The following MAP4 variants were observed in gnomAD, a reference collection of about 807,000 sequenced individuals.
The protein encoded by MAP4 is microtubule associated protein 4.
In MAP4, 76 loss-of-function variants were observed where a neutral mutation model predicts 170.2. That is an observed-to-expected ratio of 0.45 (90% CI 0.37 to 0.54). The LOEUF (loss-of-function observed/expected upper bound fraction) is 0.54. Ranked by LOEUF, MAP4 falls within the 20% of genes least tolerant of loss-of-function variation. MAP4 has a pLI of 0.00. For synonymous variants in MAP4, 909 were observed against 994.5 expected, an observed-to-expected ratio of 0.91 and a Z score of 1.62; for missense variants, 2,506 against 2,748.0, an observed-to-expected ratio of 0.91 and a Z score of 1.97.
intron 10 of MAP4, among the ~76,000 whole-genome samples, chr3:47,878,476 GT>G (rs975489369): frequency 9.2e-5 from 14 of 152,026 alleles, no homozygotes; most frequent in Non-Finnish European, 1.8e-4. Flanking sequence ...GAGATACAAA[GT>G]TTTTTGAAAC....
chr3:47,865,923 A>C (rs2078755538), intron 17 of MAP4, among the ~76,000 whole-genome samples: 1 of 152,186 alleles, frequency 6.6e-6, no homozygotes. Context: ...CTCTCCCTAG[A>C]CCAGAACCTC....
Position 47,910,630 on chromosome 3 carries a change from A to G in MAP4, c.3791T>C (p.Phe1264Ser). 4 of 1,536,114 alleles carry G rather than the reference A, an allele frequency of 2.6e-6. No homozygotes were observed. Among genetic ancestry groups the G allele is most frequent in the Non-Finnish European group, 3.5e-6 (4 of 1,146,908 alleles). Reference sequence around the variant, plus strand: ...GAACGAAGAATCATGCATTTTGGGGAAAGTAAATCCTATTTCCTTGCTTTT... The same window carrying G: ...GAACGAAGAATCATGCATTTTGGGGGAAGTAAATCCTATTTCCTTGCTTTT... ...PHKSKEIGFT[F>S]PKMHDSSFSH... Residue 1264 changes from phenylalanine (F) to serine (S), a missense_variant, in exon 9 of 21, where the codon TTC (phenylalanine) becomes TCC (serine). Phe to Ser is a radical substitution (Grantham distance 155). Transcript: ENST00000683076.
intron 2 of MAP4, among the ~76,000 whole-genome samples, chr3:47,988,066 C>T (rs1395213032): frequency 2.0e-5 from 3 of 151,992 alleles, no homozygotes; most frequent in African/African-American, 7.3e-5. Flanking sequence ...TGGCGGCACA[C>T]GCCTGTAGTC....
intron 2 of MAP4, chr3:47,987,531 T>A: frequency 1.4e-6 from 1 of 735,634 alleles, no homozygotes. Context: ...AGCAAAAGCT[T>A]TATATAACAT....
intron 1 of MAP4, among the ~76,000 whole-genome samples, chr3:48,041,788 G>A (rs972135301): frequency 1.3e-5 from 2 of 152,132 alleles, no homozygotes; most frequent in African/African-American, 4.8e-5. Context: ...GAAATTCAAG[G>A]GACCCAGAAT....
chr3:47,908,970 G>A, intron 9 of MAP4, 68 bp downstream of exon 9: 2 of 1,494,126 alleles, frequency 1.3e-6, no homozygotes, highest in Admixed American at 2.1e-5. Context: ...CAAGACACAA[G>A]CTCTTTGCCT....
At chr3:48,016,079 T>G (rs1579277241) in intron 1 of MAP4, among the ~76,000 whole-genome samples, 2 of 152,206 alleles carry the variant, frequency 1.3e-5, no homozygotes, top group Non-Finnish European at 2.9e-5. Context: ...ATCATAGGAT[T>G]AGCAACAGCA....
intron 3 of MAP4, among the ~76,000 whole-genome samples, chr3:47,958,218 T>C (rs188649186): frequency 2.2e-4 from 34 of 152,274 alleles, no homozygotes; most frequent in Admixed American, 2.2e-3. Flanking sequence ...AATACTTCCA[T>C]GCCAAAAATA....
chr3:47,900,978 T>C (rs2100029670), intron 10 of MAP4, among the ~76,000 whole-genome samples: 1 of 152,194 alleles, frequency 6.6e-6, no homozygotes. Flanking sequence ...CCCAATTTCA[T>C]CTCAAAATGT....
chr3:47,866,740 T>G (rs1222860184), intron 17 of MAP4, among the ~76,000 whole-genome samples: 5 of 152,100 alleles, frequency 3.3e-5, no homozygotes, highest in African/African-American at 9.7e-5. Flanking sequence ...GGCAACAAAG[T>G]GAGACTTCAT....
intron 17 of MAP4, among the ~76,000 whole-genome samples, chr3:47,864,431 C>T (rs779856614): frequency 2.6e-5 from 4 of 152,008 alleles, no homozygotes; most frequent in Non-Finnish European, 5.9e-5. Flanking sequence ...AATCCCAGCA[C>T]TTTGGGAGGC....
intron 2 of MAP4, among the ~76,000 whole-genome samples, chr3:47,993,729 G>C (rs571186004): frequency 5.9e-5 from 9 of 152,332 alleles, no homozygotes; most frequent in Admixed American, 5.2e-4. Context: ...ACCAAGAGGC[G>C]TAAGTGCTGT....
chr3:48,013,731 T>C (rs2100106474), intron 1 of MAP4, among the ~76,000 whole-genome samples: 1 of 151,604 alleles, frequency 6.6e-6, no homozygotes, highest in Admixed American at 6.6e-5. Flanking sequence ...AAAAAGCTTT[T>C]TGGCAAAGGG....
At chr3:47,943,930 T>C (rs2100058067) in intron 3 of MAP4, among the ~76,000 whole-genome samples, 1 of 152,066 alleles carries the variant, frequency 6.6e-6, no homozygotes, top group Non-Finnish European at 1.5e-5. Context: ...ATAGTTTCAG[T>C]ATTCTACCTC....
chr3:47,973,896 A>G, intron 3 of MAP4: 1 of 985,120 alleles, frequency 1.0e-6, no homozygotes. Context: ...ATATTTTATC[A>G]ACTGCTAAGA....
At chr3:47,857,695 G>A (rs1298255562) in intron 17 of MAP4, among the ~76,000 whole-genome samples, 183 bp from the exon 18 acceptor site, 2 of 151,742 alleles carry the variant, frequency 1.3e-5, no homozygotes, top group South Asian at 2.1e-4. Context: ...GACCCACCCT[G>A]GCCCTGCTCT....
upstream of MAP4, among the ~76,000 whole-genome samples, chr3:48,017,238 G>A (rs1038584209): frequency 2.6e-5 from 4 of 152,162 alleles, no homozygotes; most frequent in Admixed American, 6.5e-5. Flanking sequence ...GAAGCAGAGC[G>A]TGACAAAATA....
chr3:47,947,994 C>T (rs1353011089), intron 3 of MAP4, among the ~76,000 whole-genome samples: 1 of 151,376 alleles, frequency 6.6e-6, no homozygotes, highest in Non-Finnish European at 1.5e-5. Context: ...TAACCATGAC[C>T]TATTCTTTCT....
rs781630975 is a variant in MAP4, at chr3:47,891,060, T to C, written c.5434+11890A>G. On this transcript the variant is annotated intron_variant, in intron 10 of 20. Transcript: ENST00000683076. ...GGCTTTTCAAACAGGAACGATGGAG[T>C]GCTCTGGGTTGCAGTGACCTCAATT... 2.7e-6 allele frequency: 4 copies of C among 1,509,320 alleles called. No homozygotes were observed. In the South Asian group the frequency reaches 3.8e-5, roughly 14 times the overall value. The allele number at this position is 1,509,320 out of a possible 1,614,324, so 93.5% of individuals were successfully genotyped here. A position where few individuals can be genotyped will look rare whatever the true frequency, so the allele number is the denominator to read the frequency against.
Sources: allele counts gnomAD v4.1 joint callset (sites outside exome capture counted in the v4.1 genomes callset), GRCh38; gene constraint gnomAD v4.1.1; transcripts MANE v1.5; gene names NCBI Gene and HGNC (gene_info 2026-07-23, HGNC 2026-07-21).